The following KIFAP3 variants were observed in gnomAD, a reference collection of about 807,000 sequenced individuals.
The protein encoded by KIFAP3 is kinesin-associated protein 3.
KIFAP3 carries 68 observed loss-of-function variants against 106.5 expected under a neutral mutation model. That is an observed-to-expected ratio of 0.64 (90% confidence interval 0.53 to 0.78). The LOEUF (loss-of-function observed/expected upper bound fraction) is 0.78, where lower values mean the gene tolerates loss of function less well. Among genes scored for constraint, KIFAP3 ranks in the 30% least tolerant of loss-of-function variants. KIFAP3 has a pLI of 0.00. For missense variants in KIFAP3, 780 were observed against 941.8 expected, an observed-to-expected ratio of 0.83 and a Z score of 2.25; for synonymous variants, 320 against 311.5, an observed-to-expected ratio of 1.03 and a Z score of -0.29.
chr1:170,049,389 C>T (rs539336285), intron 2 of KIFAP3, among the ~76,000 whole-genome samples: 1 of 152,302 alleles, frequency 6.6e-6, no homozygotes, highest in South Asian at 2.1e-4. Context: ...GCTGTGGGCA[C>T]AGCTTCAGCA....
intron 19 of KIFAP3, among the ~76,000 whole-genome samples, chr1:169,924,678 A>G (rs1663030587): frequency 6.6e-6 from 1 of 152,162 alleles, no homozygotes; most frequent in Non-Finnish European, 1.5e-5. Context: ...CTAGGATGCT[A>G]AAACCTGGAG....
rs746773141 is a variant in KIFAP3, at chr1:169,972,562, T to C, written c.1934A>G (p.Lys645Arg). The C allele has an allele frequency of 6.4e-7, 1 of 1,571,698 alleles. No individual in the cohort carries two copies. The change falls in exon 17 of 20, where the codon AAG becomes AGG. Residue 645 changes from lysine to arginine, a missense_variant. Around this residue, in one of 3 missense-constraint regions of KIFAP3, gnomAD observed 78 missense variants for 140.6 expected, o/e 0.55. Transcript: ENST00000361580. ...ACAGACCTTTCGGATTTCATTATTCTTATCATGCATTAGGTCTATGAGATA... is the reference window on the plus strand; with the variant it reads ...ACAGACCTTTCGGATTTCATTATTCCTATCATGCATTAGGTCTATGAGATA... ...PAYLIDLMHD[K>R]NNEIRKVCDN...
chr1:170,043,073 T>C (rs968503257), intron 3 of KIFAP3, among the ~76,000 whole-genome samples: 3 of 152,210 alleles, frequency 2.0e-5, no homozygotes, highest in African/African-American at 7.2e-5. Context: ...TAACTGGGCA[T>C]AGCCTAGCTG....
intron 15 of KIFAP3, among the ~76,000 whole-genome samples, chr1:169,981,101 CA>C (rs556924553): frequency 1.3e-5 from 2 of 152,054 alleles, no homozygotes; most frequent in Non-Finnish European, 2.9e-5. Context: ...AACTATGTCT[CA>C]AAAAGTCAAA....
chr1:169,996,495 A>G (rs975611135), intron 10 of KIFAP3, among the ~76,000 whole-genome samples: 3 of 152,144 alleles, frequency 2.0e-5, no homozygotes, highest in Non-Finnish European at 1.5e-5. Context: ...TCTCATTTAG[A>G]CCTTACAGTA....
At chr1:170,006,097 A>G (rs74898833) in intron 10 of KIFAP3, among the ~76,000 whole-genome samples, 3,170 of 152,262 alleles carry the variant, frequency 0.021, 115 homozygotes, top group African/African-American at 0.072. Context: ...TTATCAGAAT[A>G]GGACCTATTT....
intron 19 of KIFAP3, among the ~76,000 whole-genome samples, chr1:169,940,686 G>A (rs1289234380): frequency 3.9e-5 from 6 of 152,214 alleles, no homozygotes; most frequent in African/African-American, 1.4e-4. Flanking sequence ...ACCTCCTGCT[G>A]TGTGGCCAAG....
chr1:170,081,584 C>G (rs1233133346), intron 1 of KIFAP3, among the ~76,000 whole-genome samples: 1 of 152,214 alleles, frequency 6.6e-6, no homozygotes, highest in Admixed American at 6.5e-5. Context: ...CTGATGGCCT[C>G]TTTCCTCCAT....
At chr1:170,054,807 CAG>C (rs1670758947) in intron 2 of KIFAP3, among the ~76,000 whole-genome samples, 1 of 151,346 alleles carries the variant, frequency 6.6e-6, no homozygotes, top group Non-Finnish European at 1.5e-5. Context: ...CAGGGCCTGT[CAG>C]GGGGTGGGGG....
chr1:169,954,160 C>A (rs1261866960), intron 18 of KIFAP3, 50 bp from the exon 19 acceptor site: 2 of 1,075,930 alleles, frequency 1.9e-6, no homozygotes, highest in Non-Finnish European at 2.9e-6. Flanking sequence ...GTAGGAAAAA[C>A]CTGTCTATCA....
intron 3 of KIFAP3, among the ~76,000 whole-genome samples, chr1:170,043,589 C>T (rs1381369017): frequency 1.3e-5 from 2 of 152,030 alleles, no homozygotes; most frequent in Non-Finnish European, 2.9e-5. Context: ...CTTACAGATG[C>T]TAACAGAAAA....
At chr1:170,038,480 A>G in intron 4 of KIFAP3, 49 bp from the exon 5 acceptor site, 3 of 1,554,730 alleles carry the variant, frequency 1.9e-6, no homozygotes, top group Non-Finnish European at 2.6e-6. Context: ...CAACAGATCC[A>G]CTGTCAAAGA....
intron 9 of KIFAP3, among the ~76,000 whole-genome samples, chr1:170,021,447 T>TTC (rs1016423966): frequency 3.9e-4 from 50 of 128,580 alleles, no homozygotes; most frequent in Non-Finnish European, 7.9e-4. Flanking sequence ...TTTTTTTTTT[T>TTC]TTTTTTTTTT....
At chr1:169,990,106 G>C (rs1407050716) in intron 11 of KIFAP3, 3 of 1,463,516 alleles carry the variant, frequency 2.0e-6, no homozygotes, top group South Asian at 1.3e-5. Context: ...AAGGAAAATA[G>C]AGCGATTTAC....
chr1:170,013,478 CAT>C (rs60542659), intron 10 of KIFAP3, among the ~76,000 whole-genome samples: 6,027 of 140,446 alleles, frequency 0.043, 400 homozygotes, highest in African/African-American at 0.14. Context: ...AACTGACATA[CAT>C]ATATATATAT....
intron 9 of KIFAP3, among the ~76,000 whole-genome samples, chr1:170,019,142 G>A (rs1668676701): frequency 1.3e-5 from 2 of 152,030 alleles, no homozygotes; most frequent in Admixed American, 1.3e-4. Flanking sequence ...AAACTACAGA[G>A]CTACCACTCA....
At chr1:169,967,378 C>A (rs565406688) in intron 17 of KIFAP3, among the ~76,000 whole-genome samples, 1 of 151,868 alleles carries the variant, frequency 6.6e-6, no homozygotes, top group African/African-American at 2.4e-5. Flanking sequence ...GACCATCATT[C>A]GGGAATCTCT....
At chr1:170,070,593 G>A (rs1166308407) in intron 1 of KIFAP3, among the ~76,000 whole-genome samples, 1 of 152,104 alleles carries the variant, frequency 6.6e-6, no homozygotes, top group African/African-American at 2.4e-5. Context: ...GACAAATGAT[G>A]TCAGAACAAC....
intron 8 of KIFAP3, among the ~76,000 whole-genome samples, chr1:170,025,790 A>G (rs551595061): frequency 6.6e-6 from 1 of 152,342 alleles, no homozygotes; most frequent in African/African-American, 2.4e-5. Flanking sequence ...CTGACTTTCT[A>G]TGCAAGGCAC....
Sources: allele counts gnomAD v4.1 joint callset (sites outside exome capture counted in the v4.1 genomes callset), GRCh38; gene constraint gnomAD v4.1.1; regional missense constraint gnomAD v4.1.1; transcripts MANE v1.5; gene names NCBI Gene and HGNC (gene_info 2026-07-23, HGNC 2026-07-21).